The following GRAMD1B variants were observed in gnomAD, a reference collection of about 807,000 sequenced individuals.
GRAMD1B encodes the protein GRAM domain containing 1B, also known as protein Aster-B.
In GRAMD1B, 37 loss-of-function variants were observed where a neutral mutation model predicts 99.7. The ratio of observed to expected loss-of-function variants is 0.37; its 90% CI spans 0.29 to 0.49. The LOEUF (loss-of-function observed/expected upper bound fraction) is 0.49. GRAMD1B is among the 20% of genes least tolerant of loss of function. The probability of loss-of-function intolerance (pLI) is 0.98; values close to 1 mark genes in which losing one functional copy is unlikely to be tolerated. For missense variants in GRAMD1B, 888 were observed against 1,009.2 expected, an observed-to-expected ratio of 0.88 and a Z score of 1.63; for synonymous variants, 427 against 387.6, an observed-to-expected ratio of 1.10 and a Z score of -1.19.
chr11:123,412,773 A>T lies in GRAMD1B; in HGVS notation c.-176+53974A>T, dbSNP rs554969757. Among the ~76,000 whole-genome samples, 49 of 61,214 alleles carry T rather than the reference A, an allele frequency of 8.0e-4. No individual in the cohort carries two copies. In the East Asian group the frequency reaches 0.013, roughly 16 times the overall value. 40.2% of individuals were successfully genotyped at this position (61,214 alleles called of 152,430 possible). A position where few individuals can be genotyped will look rare whatever the true frequency, so the allele number is the denominator to read the frequency against. ...ATATGCCCTCTCTTCATTTTTTAAT[A>T]AAAAAAAACTAAAGTTTTTATTTTT... On this transcript the variant is annotated intron_variant, in intron 1 of 20. Coordinates refer to the GRAMD1B transcript ENST00000638157.
intron 11 of GRAMD1B, chr11:123,608,325 A>G (rs1953026799): frequency 9.5e-6 from 6 of 631,102 alleles, no homozygotes; most frequent in African/African-American, 1.8e-5. Context: ...GGCAACTTCC[A>G]GAAGTAGTCA....
chr11:123,368,275 A>AAAGAAAG (rs1555106318), intron 1 of GRAMD1B, among the ~76,000 whole-genome samples: 98 of 127,142 alleles, frequency 7.7e-4, no homozygotes, highest in African/African-American at 1.8e-3. Context: ...AAAAAAAAAA[A>AAAGAAAG]AAAGAAAGAA....
intron 1 of GRAMD1B, among the ~76,000 whole-genome samples, chr11:123,378,829 T>C (rs1020757408): frequency 4.6e-5 from 7 of 152,366 alleles, no homozygotes; most frequent in African/African-American, 1.4e-4. Flanking sequence ...TTTATTTTCA[T>C]TAATTTTTAA....
intron 1 of GRAMD1B, among the ~76,000 whole-genome samples, chr11:123,413,083 G>A (rs1948109073): frequency 6.6e-6 from 1 of 152,094 alleles, no homozygotes; most frequent in Non-Finnish European, 1.5e-5. Flanking sequence ...CACCCAGCCT[G>A]CACTCTCTTT....
At position 123,480,909 on chromosome 11, in the gene GRAMD1B, G is replaced by A. The variant is rs1359464111; in HGVS notation, c.452+16G>A. ...GGGAAGAAAGGTAAGGTCCAACTCC[G>A]AGGGCGAGATGGGGGCAAAGAATAG... On this transcript the variant is annotated intron_variant, in intron 2 of 19. Coordinates refer to ENST00000635736, the MANE Select transcript of GRAMD1B (RefSeq NM_001387025.1). 2.5e-6 allele frequency: 1 copy of A among 398,056 alleles called. No homozygotes were observed. The highest frequency in any genetic ancestry group is 4.4e-5 in the Admixed American group (1 of 22,660). The allele number at this position is 398,056 out of a possible 1,614,324, so 24.7% of individuals were successfully genotyped here. A position where few individuals can be genotyped will look rare whatever the true frequency, so the allele number is the denominator to read the frequency against.
At chr11:123,501,485 T>TA (rs1448262843) in intron 2 of GRAMD1B, among the ~76,000 whole-genome samples, 2 of 152,168 alleles carry the variant, frequency 1.3e-5, no homozygotes, top group Non-Finnish European at 2.9e-5. Flanking sequence ...CCCAAGTTCT[T>TA]ACTTGCAATA....
chr11:123,430,004 C>G (rs1238830426), upstream of GRAMD1B, among the ~76,000 whole-genome samples: 1 of 152,108 alleles, frequency 6.6e-6, no homozygotes, highest in East Asian at 1.9e-4. Context: ...CCCCCACCCC[C>G]AAGGAAATAG....
intron 7 of GRAMD1B, chr11:123,599,155 T>C (rs1951646221): frequency 1.0e-5 from 8 of 789,786 alleles, no homozygotes; most frequent in South Asian, 9.3e-5. Flanking sequence ...TAGATCTCAT[T>C]TGGGTGCTTC....
At chr11:123,449,551 C>G (rs1949786200) in intron 1 of GRAMD1B, among the ~76,000 whole-genome samples, 1 of 152,064 alleles carries the variant, frequency 6.6e-6, no homozygotes, top group African/African-American at 2.4e-5. Flanking sequence ...TAACTGGGTT[C>G]TGAGTCTTTA....
At chr11:123,554,307 T>G (rs79704520) in intron 2 of GRAMD1B, among the ~76,000 whole-genome samples, 16 of 152,304 alleles carry the variant, frequency 1.1e-4, no homozygotes, top group African/African-American at 3.8e-4. Context: ...CATCTGAGTT[T>G]CTTTTTGCTC....
chr11:123,577,196 A>G (rs971205557), intron 2 of GRAMD1B, among the ~76,000 whole-genome samples, 171 bp from the exon 3 acceptor site: 13 of 152,216 alleles, frequency 8.5e-5, no homozygotes, highest in Admixed American at 1.3e-4. Context: ...CGGCAGTATT[A>G]CGGTGCGGCA....
intron 1 of GRAMD1B, among the ~76,000 whole-genome samples, chr11:123,367,052 A>G (rs1946343745): frequency 6.6e-6 from 1 of 152,126 alleles, no homozygotes; most frequent in African/African-American, 2.4e-5. Context: ...AAAATAAAGA[A>G]CTTAGCCAGG....
At chr11:123,612,710 A>G in intron 14 of GRAMD1B, 51 bp from the exon 15 acceptor site, 2 of 997,724 alleles carry the variant, frequency 2.0e-6, no homozygotes, top group Non-Finnish European at 3.1e-6. Flanking sequence ...TTCCCAGCAG[A>G]GGCAGGCCCA....
rs71060518 is a variant in GRAMD1B at position 123,597,256 on chromosome 11, CTT to C, written c.969+1248_969+1249del. 8.1e-3 allele frequency among the ~76,000 whole-genome samples: 618 copies of C among 76,370 alleles called. 4 individuals carry two copies. Among genetic ancestry groups the C allele is most frequent in the African/African-American group, 0.03 (470 of 15,848 alleles). 50.1% of individuals were successfully genotyped at this position (76,370 alleles called of 152,430 possible). ...GGGACTACAGTGCATGCCACTATGC[CTT>C]TTTTTTTTTTTTTTTTTTTTTTTTT... On this transcript the variant is annotated intron_variant, in intron 7 of 19. Coordinates refer to ENST00000635736, the MANE Select transcript of GRAMD1B (RefSeq NM_001387025.1).
intron 1 of GRAMD1B, among the ~76,000 whole-genome samples, chr11:123,370,372 A>G (rs1266086539): frequency 1.7e-5 from 2 of 120,678 alleles, no homozygotes; most frequent in Non-Finnish European, 3.2e-5. Context: ...ACAGATTCTC[A>G]CTCTGTCGCC....
At position 123,604,615 on chromosome 11, in the gene GRAMD1B, C is replaced by T. The variant is rs943960273; in HGVS notation, c.1167-707C>T. 4.6e-5 allele frequency among the ~76,000 whole-genome samples: 7 copies of T among 152,104 alleles called. No individual in the cohort carries two copies. In the South Asian group the frequency reaches 6.2e-4, roughly 14 times the overall value. The stretch of plus-strand genomic sequence containing the variant: ...TGTTGTGCTTAGGTCTGGGCTCAGT[C>T]GAAATAATAGTGTTGTCGCTTAACC... On this transcript the variant is annotated intron_variant, in intron 9 of 19. Coordinates refer to ENST00000635736, the MANE Select transcript of GRAMD1B (RefSeq NM_001387025.1).
At chr11:123,387,031 A>C (rs1947088463) in intron 1 of GRAMD1B, among the ~76,000 whole-genome samples, 1 of 152,172 alleles carries the variant, frequency 6.6e-6, no homozygotes, top group Admixed American at 6.5e-5. Context: ...GGTGCCTGTT[A>C]GACCATGACT....
intron 2 of GRAMD1B, among the ~76,000 whole-genome samples, chr11:123,571,325 G>A (rs1391733787): frequency 1.6e-4 from 24 of 152,164 alleles, no homozygotes; most frequent in Non-Finnish European, 5.9e-5. Context: ...GTGGTGTAGC[G>A]GCCACCGTGT....
chr11:123,573,291 A>G (rs1948362328), intron 2 of GRAMD1B, among the ~76,000 whole-genome samples: 1 of 152,224 alleles, frequency 6.6e-6, no homozygotes, highest in African/African-American at 2.4e-5. Flanking sequence ...TTCAGGTTTT[A>G]TTCCACAGAG....
Sources: gnomAD v4.1 joint callset for allele counts (sites outside exome capture counted in the v4.1 genomes callset) on GRCh38, gnomAD v4.1.1 for gene constraint, MANE v1.5 for transcripts, NCBI Gene and HGNC (gene_info 2026-07-23, HGNC 2026-07-21) for gene names.